The following HNF1B variants were observed in gnomAD, a reference collection of about 807,000 sequenced individuals.
HNF1B encodes hepatocyte nuclear factor 1-beta.
Under a neutral mutation model 61.7 loss-of-function variants are expected in HNF1B, and 8 were observed. The observed-to-expected ratio is 0.13, with a 90% CI of 0.08 to 0.23. The LOEUF is 0.23. HNF1B is among the 10% of genes least tolerant of loss of function. HNF1B has a pLI of 1.00. For synonymous variants in HNF1B, 314 were observed against 287.7 expected, an observed-to-expected ratio of 1.09 and a Z score of -0.93; for missense variants, 562 against 714.5, an observed-to-expected ratio of 0.79 and a Z score of 2.43.
At chr17:37,717,312 C>A (rs759050102) in intron 4 of HNF1B, among the ~76,000 whole-genome samples, 4 of 152,170 alleles carry the variant, frequency 2.6e-5, no homozygotes, top group Non-Finnish European at 4.4e-5. Flanking sequence ...CGTAAGTGAG[C>A]GTCCCAGCCA....
intron 8 of HNF1B, among the ~76,000 whole-genome samples, chr17:37,698,135 G>GA (rs994190768): frequency 6.6e-6 from 1 of 151,808 alleles, no homozygotes; most frequent in Non-Finnish European, 1.5e-5. Flanking sequence ...GGGCTCAGAT[G>GA]AAAAAAAGAC....
chr17:37,715,182 G>A (rs2033063393), intron 4 of HNF1B, among the ~76,000 whole-genome samples: 1 of 152,036 alleles, frequency 6.6e-6, no homozygotes, highest in African/African-American at 2.4e-5. Context: ...ACTTACGGCA[G>A]GAGTCAGTCA....
At position 37,733,616 on chromosome 17, in the gene HNF1B, G is replaced by A. The variant is rs144249535; in HGVS notation, c.750C>T (p.Tyr250=). Residue 250 remains tyrosine, a synonymous_variant, in exon 3 of 9, where the codon TAC becomes TAT. Transcript: ENST00000617811. The stretch of plus-strand genomic sequence containing the variant: ...CCTTGCTGGGGTTCTTTTGCCGATC[G>A]TAGGCCTGGTACAAGATTTGCTGGG... ...PASQQILYQA[Y]DRQKNPSKEE... is the part of the protein sequence containing the mutation. 5.4e-5 allele frequency: 87 copies of A among 1,614,120 alleles called. No individual in the cohort carries two copies. In the African/African-American group the frequency reaches 8.1e-4, roughly 15 times the overall value.
At chr17:37,699,023 G>T in intron 8 of HNF1B, 53 bp downstream of exon 8, 1 of 1,254,908 alleles carries the variant, frequency 8.0e-7, no homozygotes, top group Non-Finnish European at 1.2e-6. Context: ...CACATCCATG[G>T]CCTTATCACA....
intron 5 of HNF1B, among the ~76,000 whole-genome samples, 189 bp downstream of exon 5, chr17:37,710,314 C>G (rs917533846): frequency 2.0e-5 from 3 of 152,174 alleles, no homozygotes; most frequent in South Asian, 2.1e-4. Flanking sequence ...GGGTTCAAAC[C>G]GAACACCTCT....
At chr17:37,744,501 G>GGGGTTCGGGTGGGTCCCCTCCACCTC (rs764724712) in intron 1 of HNF1B, 40 bp downstream of exon 1, 18 of 1,591,070 alleles carry the variant, frequency 1.1e-5, no homozygotes, top group Non-Finnish European at 1.0e-5. Context: ...CGGGGCTCCA[G>GGGGTTCGGGTGGGTCCCCTCCACCTC]GGGTTCGGGT....
chr17:37,724,981 C>T (rs1049601620), intron 4 of HNF1B, among the ~76,000 whole-genome samples: 14 of 151,086 alleles, frequency 9.3e-5, no homozygotes, highest in African/African-American at 2.7e-4. Flanking sequence ...TTCTCTCTCT[C>T]CTCTTCATTT....
intron 8 of HNF1B, among the ~76,000 whole-genome samples, chr17:37,693,952 G>T (rs1236131084): frequency 6.6e-6 from 1 of 152,124 alleles, no homozygotes; most frequent in Non-Finnish European, 1.5e-5. Context: ...TTTACCTTCT[G>T]CCCTGACTGT....
chr17:37,734,180 C>G (rs914799819), intron 2 of HNF1B, among the ~76,000 whole-genome samples: 4 of 152,234 alleles, frequency 2.6e-5, no homozygotes, highest in African/African-American at 9.6e-5. Context: ...TGAGCTCAAT[C>G]AAGTCTCACA....
intron 4 of HNF1B, among the ~76,000 whole-genome samples, chr17:37,716,841 A>ACTCTCTCTCTCTCTCTCT (rs1177165771): frequency 3.9e-5 from 3 of 76,866 alleles, no homozygotes; most frequent in African/African-American, 1.8e-4. Context: ...ACACTTTAAC[A>ACTCTCTCTCTCTCTCTCT]ATCTCTCTCT....
At chr17:37,727,815 G>A (rs1434128890) in intron 4 of HNF1B, among the ~76,000 whole-genome samples, 1 of 152,104 alleles carries the variant, frequency 6.6e-6, no homozygotes, top group Non-Finnish European at 1.5e-5. Flanking sequence ...AGGGTTCTGG[G>A]GAAGCTTCGT....
At chr17:37,710,752 T>A in intron 4 of HNF1B, 89 bp from the exon 5 acceptor site, 2 of 1,356,434 alleles carry the variant, frequency 1.5e-6, no homozygotes, top group South Asian at 2.5e-5. Flanking sequence ...CAAGGGTGGG[T>A]AATAAGAAAA....
intron 4 of HNF1B, among the ~76,000 whole-genome samples, chr17:37,727,808 GTTC>G (rs1381485014): frequency 6.6e-6 from 1 of 152,128 alleles, no homozygotes; most frequent in Non-Finnish European, 1.5e-5. Flanking sequence ...TAGGAAGAGG[GTTC>G]TGGGGAAGCT....
chr17:37,704,246 T>C (rs1482448847), intron 6 of HNF1B, among the ~76,000 whole-genome samples: 2 of 152,352 alleles, frequency 1.3e-5, no homozygotes, highest in East Asian at 3.9e-4. Flanking sequence ...TGCTGTTGAA[T>C]ATGAGCCTCC....
At chr17:37,689,183 G>T (rs1363074479) in intron 8 of HNF1B, among the ~76,000 whole-genome samples, 1 of 150,344 alleles carries the variant, frequency 6.7e-6, no homozygotes, top group African/African-American at 2.4e-5. Context: ...GGGGGGCTGA[G>T]CAGTGCGTGC....
chr17:37,738,712 G>T (rs2033904828), intron 2 of HNF1B, among the ~76,000 whole-genome samples: 1 of 152,224 alleles, frequency 6.6e-6, no homozygotes. Context: ...ATTATTGGGT[G>T]GGAGAAATCT....
intron 3 of HNF1B, among the ~76,000 whole-genome samples, chr17:37,732,655 G>A (rs1198555763): frequency 1.3e-5 from 2 of 149,374 alleles, no homozygotes; most frequent in Admixed American, 6.8e-5. Context: ...GAAGTAAAAA[G>A]ATTTCCCAAG....
chr17:37,691,399 G>C (rs1037280396), intron 8 of HNF1B, among the ~76,000 whole-genome samples: 4 of 152,192 alleles, frequency 2.6e-5, no homozygotes, highest in Non-Finnish European at 5.9e-5. Context: ...TAAGTTGGCC[G>C]GGGTCTCACA....
At chr17:37,718,275 C>T (rs2033191010) in intron 4 of HNF1B, among the ~76,000 whole-genome samples, 1 of 152,182 alleles carries the variant, frequency 6.6e-6, no homozygotes, top group African/African-American at 2.4e-5. Context: ...TGTGTGTCCT[C>T]CCCCACAAGG....
Sources: gnomAD v4.1 joint callset for allele counts (sites outside exome capture counted in the v4.1 genomes callset) on GRCh38, gnomAD v4.1.1 for gene constraint, MANE v1.5 for transcripts, NCBI Gene and HGNC (gene_info 2026-07-23, HGNC 2026-07-21) for gene names.